The following DPYD variants were observed in gnomAD, a reference collection of about 807,000 sequenced individuals.
DPYD encodes the protein dihydropyrimidine dehydrogenase.
DPYD carries 109 observed loss-of-function variants against 116.2 expected under a neutral mutation model. The ratio of observed to expected loss-of-function variants is 0.94; its 90% confidence interval spans 0.80 to 1.10. DPYD has a LOEUF of 1.10. Ranked by LOEUF, DPYD falls within the 50% of genes least tolerant of loss-of-function variation. The probability of loss-of-function intolerance (pLI) is 0.00; values close to 1 mark genes in which losing one functional copy is unlikely to be tolerated. For missense variants in DPYD, 1,302 were observed against 1,254.5 expected (o/e 1.04, Z -0.57); for synonymous variants, 440 against 432.0 (o/e 1.02, Z -0.23).
intron 3 of DPYD, among the ~76,000 whole-genome samples, chr1:97,808,207 C>T (rs1041948996): frequency 8.5e-5 from 13 of 152,072 alleles, no homozygotes; most frequent in Non-Finnish European, 4.4e-5. Flanking sequence ...TTGGAAAGAA[C>T]CAACATCTTG....
chr1:97,850,234 A>T (rs1312967164), intron 2 of DPYD, among the ~76,000 whole-genome samples: 1 of 152,208 alleles, frequency 6.6e-6, no homozygotes, highest in East Asian at 1.9e-4. Flanking sequence ...CAGGCAATTG[A>T]AATAGGTCTC....
intron 1 of DPYD, chr1:97,883,833 A>AC: frequency 3.1e-6 from 1 of 318,246 alleles, no homozygotes; most frequent in Non-Finnish European, 5.8e-6. Context: ...CTTAGGAATC[A>AC]CAAAAAAAAA....
intron 1 of DPYD, among the ~76,000 whole-genome samples, chr1:97,894,628 TTA>T (rs1316710521): frequency 6.6e-6 from 1 of 151,734 alleles, no homozygotes; most frequent in Non-Finnish European, 1.5e-5. Context: ...TAGCTATTAA[TTA>T]TATATCTTTA....
intron 12 of DPYD, among the ~76,000 whole-genome samples, chr1:97,522,994 G>A (rs1648798862): frequency 6.6e-6 from 1 of 152,090 alleles, no homozygotes; most frequent in South Asian, 2.1e-4. Flanking sequence ...CGCTAACATA[G>A]TTGAAAAGGT....
intron 2 of DPYD, among the ~76,000 whole-genome samples, chr1:97,870,251 C>T (rs1028414789): frequency 4.6e-5 from 7 of 151,750 alleles, no homozygotes; most frequent in African/African-American, 1.5e-4. Context: ...CTAATGACTA[C>T]TGAATCAAAG....
chr1:97,607,872 T>C (rs1557833864), intron 8 of DPYD, among the ~76,000 whole-genome samples: 1 of 151,970 alleles, frequency 6.6e-6, no homozygotes, highest in Non-Finnish European at 1.5e-5. Flanking sequence ...GAGTCATCTT[T>C]CTTGATTTTT....
chr1:97,734,938 C>A (rs140223427), intron 4 of DPYD, among the ~76,000 whole-genome samples: 46 of 152,170 alleles, frequency 3.0e-4, no homozygotes, highest in African/African-American at 1.1e-3. Context: ...CACCTAGGTC[C>A]CACCTGGAAC....
intron 1 of DPYD, chr1:97,883,701 C>T (rs1571526625): frequency 5.8e-6 from 2 of 347,700 alleles, no homozygotes; most frequent in South Asian, 4.9e-5. Context: ...CCTGGCTCAA[C>T]CTCCCAAAGT....
At chr1:97,299,318 T>C (rs189391979) in intron 18 of DPYD, among the ~76,000 whole-genome samples, 227 of 152,298 alleles carry the variant, frequency 1.5e-3, no homozygotes, top group Middle Eastern at 3.4e-3. Flanking sequence ...TAATAATTCA[T>C]TACCACTGCT....
rs1048236780 is a variant in DPYD at position 97,753,421 on chromosome 1, G to T, written c.234-12942C>A. Among the ~76,000 whole-genome samples the T allele has an allele frequency of 1.8e-4, 27 of 152,252 alleles. 1 individual carries two copies. Among genetic ancestry groups the T allele is most frequent in the African/African-American group, 6.5e-4 (27 of 41,560 alleles). ...CTTGTCTCACAGTTTGTGAAAGGCA[G>T]ATTCAGGACTCTTATCCAGGTTTGA... On this transcript the variant is annotated intron_variant, in intron 3 of 22. Transcript: ENST00000370192.
intron 8 of DPYD, among the ~76,000 whole-genome samples, chr1:97,614,905 T>C (rs772722827): frequency 1.3e-5 from 2 of 152,112 alleles, no homozygotes; most frequent in Non-Finnish European, 2.9e-5. Flanking sequence ...ATCAATGCTC[T>C]TTCCACAATC....
At chr1:97,618,381 T>TA (rs1324925668) in intron 8 of DPYD, among the ~76,000 whole-genome samples, 1 of 150,886 alleles carries the variant, frequency 6.6e-6, no homozygotes. Context: ...TTTTTTCTTT[T>TA]TTTTTTTTTT....
chr1:97,865,595 A>T (rs947846963), intron 2 of DPYD, among the ~76,000 whole-genome samples: 3 of 151,864 alleles, frequency 2.0e-5, no homozygotes, highest in African/African-American at 4.8e-5. Flanking sequence ...TAGGCAGTAA[A>T]TTTTTTTCTA....
chr1:97,130,688 TTCCTTCCC>T (rs1557880505), intron 20 of DPYD, among the ~76,000 whole-genome samples: 1 of 149,784 alleles, frequency 6.7e-6, no homozygotes, highest in African/African-American at 2.5e-5. Context: ...CTTCCTTCCT[TTCCTTCCC>T]TCCTTCCCTC....
chr1:97,329,596 A>G lies in DPYD; in HGVS notation c.2059-23299T>C, dbSNP rs191822873. 4.3e-3 allele frequency among the ~76,000 whole-genome samples: 652 copies of G among 151,460 alleles called. 11 individuals carry two copies. The highest frequency in any genetic ancestry group is 0.015 in the African/African-American group (625 of 41,284). ...ACCCGGTATCTACTAAAAATTAAAAAAACAAAATTAGCTGGGCATGGTGGT... is the reference window on the plus strand; with the variant it reads ...ACCCGGTATCTACTAAAAATTAAAAGAACAAAATTAGCTGGGCATGGTGGT... On this transcript the variant is annotated intron_variant, in intron 16 of 22. Transcript: ENST00000370192.
rs1650434238 is a variant in DPYD at position 97,098,573 on chromosome 1, C to T, written c.2682G>A (p.Lys894=). ...CTACATTTTGTTCTTTCAGTCTAATCTTGTTTTCTGCTATGATTTTCTTGC... is the reference window on the plus strand; with the variant it reads ...CTACATTTTGTTCTTTCAGTCTAATTTTGTTTTCTGCTATGATTTTCTTGC... ...EQRKKIIAEN[K]IRLKEQNVAF... The change falls in exon 21 of 23, where the codon AAG becomes AAA. Residue 894 remains lysine, a synonymous_variant. Coordinates refer to ENST00000370192, the MANE Select transcript of DPYD (RefSeq NM_000110.4). The T allele has an allele frequency of 3.7e-6, 6 of 1,613,182 alleles. No individual in the cohort carries two copies. The highest frequency in any genetic ancestry group is 2.2e-5 in the East Asian group (1 of 44,762).
At chr1:97,832,962 T>G (rs1182404458) in intron 2 of DPYD, among the ~76,000 whole-genome samples, 1 of 141,056 alleles carries the variant, frequency 7.1e-6, no homozygotes, top group Non-Finnish European at 1.5e-5. Flanking sequence ...ACCAAACACC[T>G]ACTGATTCTG....
rs560030430 is a variant in DPYD, at chr1:97,733,849, G to C, written c.321+6543C>G. On this transcript the variant is annotated intron_variant, in intron 4 of 22. Coordinates refer to ENST00000370192, the MANE Select transcript of DPYD (RefSeq NM_000110.4). Reference sequence around the variant, plus strand: ...CTTTTCAACTTCAACAATTTGATGAGAGAAAACTGGTATCTCATTTTTTCA... The same window carrying C: ...CTTTTCAACTTCAACAATTTGATGACAGAAAACTGGTATCTCATTTTTTCA... Among the ~76,000 whole-genome samples the C allele has an allele frequency of 3.9e-5, 6 of 152,068 alleles. 1 individual carries two copies. The South Asian group carries it at 1.0e-3, about 26-fold the overall frequency.
rs974572847 is a variant in DPYD at position 97,249,600 on chromosome 1, A to T, written c.2300-14606T>A. On this transcript the variant is annotated intron_variant, in intron 18 of 22. Transcript: ENST00000370192. Reference sequence around the variant, plus strand: ...GATGTTAAAAGCAACGACTAATTTAAAAAAAAAATTGATAAACTGGACACT... The same window carrying T: ...GATGTTAAAAGCAACGACTAATTTATAAAAAAAATTGATAAACTGGACACT... 2.0e-5 allele frequency among the ~76,000 whole-genome samples: 3 copies of T among 149,720 alleles called. No homozygotes were observed. The South Asian group carries it at 6.3e-4, about 31-fold the overall frequency.
Sources: allele counts gnomAD v4.1 joint callset (sites outside exome capture counted in the v4.1 genomes callset), GRCh38; gene constraint gnomAD v4.1.1; transcripts MANE v1.5; gene names NCBI Gene and HGNC (gene_info 2026-07-23, HGNC 2026-07-21).